Variants in DIP2A observed in about 807,000 individuals in gnomAD.
DIP2A encodes the protein disco-interacting protein 2 homolog A.
In DIP2A, 85 loss-of-function variants were observed where a neutral mutation model predicts 177.4. That is an observed-to-expected ratio of 0.48 (90% CI 0.40 to 0.57). The LOEUF (loss-of-function observed/expected upper bound fraction) is 0.57. Among genes scored for constraint, DIP2A ranks in the 20% least tolerant of loss-of-function variants. The pLI is 0.00. For missense variants in DIP2A, 1,791 were observed against 2,100.2 expected, an observed-to-expected ratio of 0.85 and a Z score of 2.88; for synonymous variants, 886 against 881.8, an observed-to-expected ratio of 1.00 and a Z score of -0.08.
At chr21:46,516,484 A>ATTTGT (rs779342846) in intron 8 of DIP2A, among the ~76,000 whole-genome samples, 1 of 92,876 alleles carries the variant, frequency 1.1e-5, no homozygotes, top group Non-Finnish European at 2.4e-5. Context: ...GTCTTCTGAA[A>ATTTGT]TTTCTTTTTT....
intron 8 of DIP2A, among the ~76,000 whole-genome samples, chr21:46,523,637 A>G: frequency 7.9e-6 from 1 of 126,146 alleles, no homozygotes; most frequent in Non-Finnish European, 1.8e-5. Flanking sequence ...GGTGAAAACA[A>G]TAAACTTTAG....
In DIP2A at chr21:46,516,397, T is replaced by A. The variant is rs557892326; in HGVS notation, c.1102+4783T>A. Among the ~76,000 whole-genome samples, 7 of 152,010 alleles carry A rather than the reference T, an allele frequency of 4.6e-5. No individual in the cohort carries two copies. In the South Asian group the frequency reaches 1.5e-3, roughly 32 times the overall value. On this transcript the variant is annotated intron_variant, in intron 8 of 37. Coordinates refer to ENST00000417564, the MANE Select transcript of DIP2A (RefSeq NM_015151.4). ...AGTCCTACATTTTTAATGTTCTTTT[T>A]TATATTTTGCATTCTTTCTTATATA...
In DIP2A at chr21:46,565,629, A is replaced by G. The variant is rs2060812429; in HGVS notation, c.4165-84A>G. The G allele has an allele frequency of 3.6e-6, 5 of 1,377,738 alleles. No homozygotes were observed. The South Asian group carries it at 5.6e-5, about 15-fold the overall frequency. 85.3% of individuals were successfully genotyped at this position (1,377,738 alleles called of 1,614,324 possible). A position where few individuals can be genotyped will look rare whatever the true frequency, so the allele number is the denominator to read the frequency against. Reference sequence around the variant, plus strand: ...TTCGTTCAGTGTTTTCTGGAGCATTATTCTTGGCCAGTGGATGTCTCGTGA... The same window carrying G: ...TTCGTTCAGTGTTTTCTGGAGCATTGTTCTTGGCCAGTGGATGTCTCGTGA... On this transcript the variant is annotated intron_variant, in intron 35 of 37. Transcript: ENST00000417564.
intron 8 of DIP2A, among the ~76,000 whole-genome samples, chr21:46,524,908 A>T (rs2059006537): frequency 1.4e-5 from 1 of 72,962 alleles, no homozygotes; most frequent in Admixed American, 1.9e-4. Context: ...TTTTTTTGAG[A>T]CAGAGTCTTA....
intron 28 of DIP2A, 187 bp from the exon 29 acceptor site, chr21:46,555,794 TC>T: frequency 6.7e-6 from 4 of 595,930 alleles, no homozygotes; most frequent in Admixed American, 2.7e-5. Context: ...GGGTAGCGTT[TC>T]CATGAAGAAT....
chr21:46,498,682 C>T lies in DIP2A; in HGVS notation c.504C>T (p.Asp168=). 6.2e-7 allele frequency: 1 copy of T among 1,613,824 alleles called. No homozygotes were observed. Among genetic ancestry groups the T allele is most frequent in the Non-Finnish European group, 8.5e-7 (1 of 1,179,872 alleles). ...ATTCCAGCGTCGAGCCCTGGCTCGA[C>T]CGGGTCATTCAGGGCTCGTCCACCT... ...QSHSSVEPWL[D]RVIQGSSTSS... Residue 168 remains aspartate, a synonymous_variant, in exon 5 of 38, where the codon GAC becomes GAT. Transcript: ENST00000417564. This position sits in a 1 kb window ranked among gnomAD's most constrained non-coding sequence, Gnocchi z 4.3.
intron 21 of DIP2A, 64 bp downstream of exon 21, chr21:46,547,106 G>C (rs986619301): frequency 6.3e-7 from 1 of 1,580,334 alleles, no homozygotes; most frequent in Non-Finnish European, 8.6e-7. Flanking sequence ...GGAAGTCTTT[G>C]TGCAGTAGAT....
At chr21:46,504,807 C>T (rs1381495630) in intron 6 of DIP2A, among the ~76,000 whole-genome samples, 1 of 152,192 alleles carries the variant, frequency 6.6e-6, no homozygotes, top group Non-Finnish European at 1.5e-5. Context: ...TGGGAAGTTT[C>T]TTTATTTAGA....
At chr21:46,547,711 C>G (rs1280663149) in intron 21 of DIP2A, among the ~76,000 whole-genome samples, 2 of 136,886 alleles carry the variant, frequency 1.5e-5, no homozygotes, top group Non-Finnish European at 3.1e-5. Flanking sequence ...TGTTGCCCAT[C>G]CAGGCTGGAG....
At chr21:46,552,163 A>G (rs1053904329) in intron 25 of DIP2A, among the ~76,000 whole-genome samples, 1 of 152,046 alleles carries the variant, frequency 6.6e-6, no homozygotes, top group Admixed American at 6.5e-5. Context: ...TAGTATTTCT[A>G]TTGATTTTGT....
At chr21:46,472,337 C>T (rs1472780818) in intron 1 of DIP2A, among the ~76,000 whole-genome samples, 1 of 152,234 alleles carries the variant, frequency 6.6e-6, no homozygotes, top group Non-Finnish European at 1.5e-5. Context: ...CTCTGGTATT[C>T]TGTTACGGCA....
chr21:46,485,608 T>C (rs948084533), intron 2 of DIP2A, among the ~76,000 whole-genome samples: 2 of 152,106 alleles, frequency 1.3e-5, no homozygotes, highest in African/African-American at 4.8e-5. Context: ...CATCTCAAGA[T>C]AGGAAGGATT....
Position 46,558,271 on chromosome 21 carries a change from G to A in DIP2A, c.3847G>A (p.Glu1283Lys), listed in dbSNP as rs762093405. 1.9e-6 allele frequency: 3 copies of A among 1,612,530 alleles called. No homozygotes were observed. Among genetic ancestry groups the A allele is most frequent in the South Asian group, 1.1e-5 (1 of 90,878 alleles). Reference sequence around the variant, plus strand: ...TGTGCGCACGTGCATGGTGGTCGCCGAGGAGCGGCCCAGGATTGCGCTGAC... The same window carrying A: ...TGTGCGCACGTGCATGGTGGTCGCCAAGGAGCGGCCCAGGATTGCGCTGAC... ...SCVRTCMVVA[E>K]ERPRIALTQS... The change falls in exon 32 of 38, where the codon GAG becomes AAG. Residue 1283 changes from glutamate to lysine, a missense_variant. Physicochemically the swap from Glu to Lys is moderately conservative, Grantham distance 56 (BLOSUM62 1). Coordinates refer to ENST00000417564, the MANE Select transcript of DIP2A (RefSeq NM_015151.4).
In DIP2A at chr21:46,459,757, C is replaced by G. The variant is rs149355416; in HGVS notation, c.91+535C>G. On this transcript the variant is annotated intron_variant, in intron 1 of 37. Coordinates refer to ENST00000417564, the MANE Select transcript of DIP2A (RefSeq NM_015151.4). ...CCCCCAGGCCCTTCACACCTGGGACCCTTACTCCTCACCCCGGGACGCCTG... is the reference window on the plus strand; with the variant it reads ...CCCCCAGGCCCTTCACACCTGGGACGCTTACTCCTCACCCCGGGACGCCTG... 1.2e-3 allele frequency among the ~76,000 whole-genome samples: 185 copies of G among 152,048 alleles called. 5 individuals are homozygous for G. The East Asian group carries it at 0.033, about 27-fold the overall frequency.
chr21:46,506,800 T>TTA (rs2058034585), intron 6 of DIP2A, among the ~76,000 whole-genome samples: 1 of 133,198 alleles, frequency 7.5e-6, no homozygotes, highest in Non-Finnish European at 1.6e-5. Flanking sequence ...TCTTTCTTTC[T>TTA]TCTCTTTTTT....
chr21:46,496,057 C>T (rs971599522), intron 3 of DIP2A, among the ~76,000 whole-genome samples: 6 of 135,652 alleles, frequency 4.4e-5, no homozygotes, highest in South Asian at 2.6e-4. Context: ...GGCGACAGAT[C>T]GAGACTCCAT....
chr21:46,576,970 G>A, the DIP2A span, among the ~76,000 whole-genome samples: 1 of 152,126 alleles, frequency 6.6e-6, no homozygotes, highest in Non-Finnish European at 1.5e-5. Flanking sequence ...ACTTTTTAAT[G>A]AGGTTGGTTT....
intron 8 of DIP2A, among the ~76,000 whole-genome samples, chr21:46,525,911 T>C (rs1303305099): frequency 2.0e-5 from 2 of 101,220 alleles, no homozygotes; most frequent in Non-Finnish European, 4.2e-5. Flanking sequence ...TTATTATTAT[T>C]ATTATTATTA....
downstream of DIP2A, among the ~76,000 whole-genome samples, chr21:46,572,408 T>C (rs2060975005): frequency 6.6e-6 from 1 of 152,182 alleles, no homozygotes; most frequent in Non-Finnish European, 1.5e-5. Context: ...CAAAATAACT[T>C]TGAGTTCTAC....
Sources: gnomAD v4.1 joint callset for allele counts (sites outside exome capture counted in the v4.1 genomes callset) on GRCh38, gnomAD v4.1.1 for gene constraint, Gnocchi (gnomAD v3.1) non-coding constraint, MANE v1.5 for transcripts, NCBI Gene and HGNC (gene_info 2026-07-23, HGNC 2026-07-21) for gene names.